CSMD1: variants seen among roughly 807,000 people sequenced by gnomAD.
CSMD1 encodes CUB and Sushi multiple domains 1.
CSMD1 carries 213 observed loss-of-function variants against 417.5 expected under a neutral mutation model. The ratio of observed to expected loss-of-function variants is 0.51; its 90% confidence interval spans 0.46 to 0.57. The LOEUF (loss-of-function observed/expected upper bound fraction) is 0.57, where lower values mean the gene tolerates loss of function less well. Among genes scored for constraint, CSMD1 ranks in the 20% least tolerant of loss-of-function variants. The pLI, the probability that CSMD1 is intolerant of heterozygous loss-of-function variation, is 0.00. For missense variants in CSMD1, 6,923 were observed against 4,529.7 expected, an observed-to-expected ratio of 1.53 and a Z score of -15.17; for synonymous variants, 2,862 against 1,736.8, an observed-to-expected ratio of 1.65 and a Z score of -16.11.
chr8:4,020,658 C>G (rs535067912), intron 4 of CSMD1, among the ~76,000 whole-genome samples: 22 of 152,286 alleles, frequency 1.4e-4, no homozygotes, highest in African/African-American at 5.1e-4. Context: ...CTTACTTATT[C>G]CAGGACAGAT....
intron 7 of CSMD1, among the ~76,000 whole-genome samples, chr8:3,619,047 G>C (rs947800972): frequency 2.6e-5 from 4 of 152,072 alleles, no homozygotes; most frequent in Non-Finnish European, 1.5e-5. Flanking sequence ...ATAGAAAACT[G>C]CAGCAAGATT....
At chr8:4,040,270 T>G (rs1797818601) in intron 3 of CSMD1, among the ~76,000 whole-genome samples, 1 of 152,228 alleles carries the variant, frequency 6.6e-6, no homozygotes, top group Non-Finnish European at 1.5e-5. Context: ...CCGGAAATAC[T>G]TGCACAACAC....
At chr8:3,193,527 C>G (rs980003998) in intron 33 of CSMD1, among the ~76,000 whole-genome samples, 8 of 152,102 alleles carry the variant, frequency 5.3e-5, no homozygotes, top group Non-Finnish European at 8.8e-5. Context: ...TCCTCTGGGT[C>G]TGGCCCTTCA....
At chr8:4,470,272 C>G (rs1170940717) in intron 2 of CSMD1, among the ~76,000 whole-genome samples, 1 of 152,158 alleles carries the variant, frequency 6.6e-6, no homozygotes, top group Non-Finnish European at 1.5e-5. Flanking sequence ...CTCCTCTATC[C>G]CGAGCCTTCT....
intron 3 of CSMD1, among the ~76,000 whole-genome samples, chr8:4,292,401 C>T (rs1382428476): frequency 3.3e-5 from 5 of 152,076 alleles, no homozygotes; most frequent in East Asian, 1.9e-4. Flanking sequence ...TACAGGTGCC[C>T]GCCACCACGC....
intron 23 of CSMD1, among the ~76,000 whole-genome samples, chr8:3,326,347 G>A (rs1321738599): frequency 6.6e-6 from 1 of 152,164 alleles, no homozygotes; most frequent in African/African-American, 2.4e-5. Context: ...AATGGTCATC[G>A]TGGTACCTTC....
At chr8:3,983,642 G>A (rs368355878) in intron 5 of CSMD1, among the ~76,000 whole-genome samples, 43 of 152,276 alleles carry the variant, frequency 2.8e-4, no homozygotes, top group African/African-American at 9.6e-4. Flanking sequence ...CATAGCCCAC[G>A]TGTATCATGA....
intron 11 of CSMD1, among the ~76,000 whole-genome samples, chr8:3,479,325 G>A (rs975658307): frequency 6.6e-6 from 1 of 152,064 alleles, no homozygotes; most frequent in Non-Finnish European, 1.5e-5. Flanking sequence ...TTGTCACCCA[G>A]GCTGGAGTGC....
At chr8:3,659,600 C>CT (rs1444972130) in intron 7 of CSMD1, among the ~76,000 whole-genome samples, 1 of 152,134 alleles carries the variant, frequency 6.6e-6, no homozygotes, top group East Asian at 1.9e-4. Flanking sequence ...GAATTGGTCC[C>CT]TTTGGGATTT....
Position 3,916,130 on chromosome 8 carries a change from T to G in CSMD1, c.818+81773A>C, listed in dbSNP as rs376489322. 2.6e-3 allele frequency among the ~76,000 whole-genome samples: 396 copies of G among 152,014 alleles called. 1 individual carries two copies. The highest frequency in any genetic ancestry group is 9.0e-3 in the African/African-American group (374 of 41,454). On this transcript the variant is annotated intron_variant, in intron 5 of 69. Transcript: ENST00000635120. ...CAAAAAAGATAACATGCCAGTAAAT[T>G]TCAGTGAAAAAAAATGCTAAATGCT...
intron 32 of CSMD1, among the ~76,000 whole-genome samples, chr8:3,201,061 G>C (rs566750816): frequency 5.3e-5 from 8 of 152,312 alleles, no homozygotes; most frequent in African/African-American, 1.9e-4. Context: ...GTTAGAGACA[G>C]ACTTCTGTAT....
At chr8:4,836,753 C>G (rs1338664271) in intron 1 of CSMD1, among the ~76,000 whole-genome samples, 1 of 151,930 alleles carries the variant, frequency 6.6e-6, no homozygotes, top group Non-Finnish European at 1.5e-5. Context: ...TATCAAAGTA[C>G]ATGTCTCCAC....
chr8:3,690,094 A>G (rs1252598602), intron 7 of CSMD1, among the ~76,000 whole-genome samples: 1 of 152,174 alleles, frequency 6.6e-6, no homozygotes, highest in African/African-American at 2.4e-5. Flanking sequence ...CGTAGTGGCC[A>G]ACATCTGTAA....
At chr8:3,294,760 C>T (rs916165356) in intron 25 of CSMD1, among the ~76,000 whole-genome samples, 1 of 152,156 alleles carries the variant, frequency 6.6e-6, no homozygotes, top group African/African-American at 2.4e-5. Flanking sequence ...TTCCCTGACC[C>T]CTTGCACTTC....
intron 3 of CSMD1, among the ~76,000 whole-genome samples, chr8:4,158,763 G>A (rs1248713253): frequency 1.3e-5 from 2 of 152,136 alleles, no homozygotes; most frequent in African/African-American, 2.4e-5. Flanking sequence ...CTTGATGGGT[G>A]TGAACACTGA....
rs1056429914 is a variant in CSMD1, at chr8:4,422,317, G to A, written c.303-2252C>T. On this transcript the variant is annotated intron_variant, in intron 2 of 69. Coordinates refer to ENST00000635120, the MANE Select transcript of CSMD1 (RefSeq NM_033225.6). ...ATTGACACTACCCTTTCCCTTATGG[G>A]CTGAATTATGCTCCTCCCACCAATT... is the stretch of plus-strand genomic sequence containing the variant. Among the ~76,000 whole-genome samples, 4 of 152,104 alleles carry A rather than the reference G, an allele frequency of 2.6e-5. No individual in the cohort carries two copies. In the South Asian group the frequency reaches 6.2e-4, roughly 24 times the overall value.
chr8:3,542,254 C>T (rs1220979694), intron 10 of CSMD1, among the ~76,000 whole-genome samples: 1 of 152,122 alleles, frequency 6.6e-6, no homozygotes, highest in African/African-American at 2.4e-5. Context: ...GTCATAAATT[C>T]TTTACTCTTT....
At chr8:4,327,501 T>TGC (rs1370394631) in intron 3 of CSMD1, among the ~76,000 whole-genome samples, 1 of 152,116 alleles carries the variant, frequency 6.6e-6, no homozygotes, top group Non-Finnish European at 1.5e-5. Context: ...CTGTGCTGAG[T>TGC]GCCTTTCTTG....
chr8:4,803,819 A>G (rs1288071173), intron 1 of CSMD1, among the ~76,000 whole-genome samples: 1 of 152,168 alleles, frequency 6.6e-6, no homozygotes, highest in Admixed American at 6.5e-5. Context: ...GAGCTCATAG[A>G]ATATCCTTGA....
Sources: allele counts gnomAD v4.1 joint callset (sites outside exome capture counted in the v4.1 genomes callset), GRCh38; gene constraint gnomAD v4.1.1; transcripts MANE v1.5; gene names NCBI Gene and HGNC (gene_info 2026-07-23, HGNC 2026-07-21).